Variants in TSPAN19 observed in about 807,000 individuals in gnomAD.
The protein encoded by TSPAN19 is tetraspanin-19.
Under a neutral mutation model 35.1 loss-of-function variants are expected in TSPAN19, and 44 were observed. The ratio of observed to expected loss-of-function variants is 1.25; its 90% CI spans 0.98 to 1.61. The LOEUF (loss-of-function observed/expected upper bound fraction) is 1.61, where lower values mean the gene tolerates loss of function less well. TSPAN19 is among the 40% of genes most tolerant of loss of function. The probability of loss-of-function intolerance (pLI) is 0.00; values close to 1 mark genes in which losing one functional copy is unlikely to be tolerated. For synonymous variants in TSPAN19, 79 were observed against 92.0 expected (o/e 0.86, Z 0.81); for missense variants, 290 against 280.0 (o/e 1.04, Z -0.26).
In TSPAN19 at chr12:85,022,351, A is replaced by G. The variant is rs77559766; in HGVS notation, c.339+975T>C. Among the ~76,000 whole-genome samples, 2,923 of 152,228 alleles carry G rather than the reference A, an allele frequency of 0.019. 131 individuals are homozygous for G. The East Asian group carries it at 0.2, about 11-fold the overall frequency. ...AAGAATGAAGTTGGAGGGCAATGGTATCATACAGAAAAGATTGTTTTTGAA... is the reference window on the plus strand; with the variant it reads ...AAGAATGAAGTTGGAGGGCAATGGTGTCATACAGAAAAGATTGTTTTTGAA... On this transcript the variant is annotated intron_variant, in intron 5 of 8. Coordinates refer to ENST00000532498, the MANE Select transcript of TSPAN19 (RefSeq NM_001100917.2).
At chr12:85,029,297 T>C (rs1409798890) in intron 3 of TSPAN19, among the ~76,000 whole-genome samples, 1 of 152,102 alleles carries the variant, frequency 6.6e-6, no homozygotes, top group African/African-American at 2.4e-5. Context: ...AAATTGCATT[T>C]TTAAATTTTC....
intron 5 of TSPAN19, among the ~76,000 whole-genome samples, chr12:85,020,057 A>G (rs531010932): frequency 2.0e-5 from 3 of 152,098 alleles, no homozygotes; most frequent in African/African-American, 4.8e-5. Context: ...AGTATTTTAT[A>G]TAAGCCAAAA....
chr12:85,023,258 T>G (rs1877215423), intron 5 of TSPAN19, 68 bp downstream of exon 5: 9 of 1,323,854 alleles, frequency 6.8e-6, no homozygotes, highest in African/African-American at 1.5e-5. Context: ...GTCTCAATAC[T>G]CTAAGGTATC....
chr12:85,016,235 T>A, intron 7 of TSPAN19: 1 of 317,076 alleles, frequency 3.2e-6, no homozygotes, highest in Non-Finnish European at 5.7e-6. Flanking sequence ...GATTTTCTCT[T>A]CTGCAGACTA....
At chr12:85,024,006 T>C (rs1174534944) in intron 4 of TSPAN19, among the ~76,000 whole-genome samples, 1 of 152,104 alleles carries the variant, frequency 6.6e-6, no homozygotes, top group Non-Finnish European at 1.5e-5. Context: ...TCTCTAAATA[T>C]GTTGAGTTAT....
chr12:85,032,485 C>T (rs994558436), intron 1 of TSPAN19, among the ~76,000 whole-genome samples: 4 of 152,062 alleles, frequency 2.6e-5, no homozygotes, highest in African/African-American at 9.7e-5. Flanking sequence ...GGGGTGAGAA[C>T]TTAGTAAGCG....
chr12:85,025,715 T>C (rs777354555), intron 4 of TSPAN19, among the ~76,000 whole-genome samples: 4 of 152,038 alleles, frequency 2.6e-5, no homozygotes, highest in Non-Finnish European at 4.4e-5. Flanking sequence ...TTAGTAGAGA[T>C]GGGGTTTCCC....
In TSPAN19 at chr12:85,029,948, C is replaced by A; in HGVS notation, c.-2G>T. The A allele has an allele frequency of 6.9e-7, 1 of 1,443,692 alleles. No homozygotes were observed. Among genetic ancestry groups the A allele is most frequent in the South Asian group, 1.3e-5 (1 of 75,536 alleles). The allele number at this position is 1,443,692 out of a possible 1,614,324, so 89.4% of individuals were successfully genotyped here. On this transcript the variant is annotated 5_prime_UTR_variant, in exon 2 of 9. Transcript: ENST00000532498. ...TATTGTTTTGTTATTTCTTAACATT[C>A]TTTTTCTTCCAAGATATTGATGATT...
chr12:85,028,677 T>C (rs1365735909), intron 3 of TSPAN19, among the ~76,000 whole-genome samples: 1 of 152,130 alleles, frequency 6.6e-6, no homozygotes, highest in Non-Finnish European at 1.5e-5. Context: ...GGAGTGAGCT[T>C]GTACTGGCTC....
chr12:85,030,987 C>T (rs1052004286), intron 1 of TSPAN19, among the ~76,000 whole-genome samples: 1 of 152,030 alleles, frequency 6.6e-6, no homozygotes, highest in African/African-American at 2.4e-5. Context: ...TATTTTAAAG[C>T]TATTTGTCTG....
At chr12:85,015,664 C>A (rs1055454826) in intron 8 of TSPAN19, 4 of 387,670 alleles carry the variant, frequency 1.0e-5, no homozygotes, top group Non-Finnish European at 1.8e-5. Context: ...AGGTACTATA[C>A]ATAGTAATAA....
chr12:85,023,157 A>G (rs560424052), intron 5 of TSPAN19, among the ~76,000 whole-genome samples, 169 bp downstream of exon 5: 2 of 151,998 alleles, frequency 1.3e-5, no homozygotes, highest in South Asian at 4.2e-4. Context: ...TTTCAATGTG[A>G]CTCCTGGCCC....
chr12:85,017,429 C>T (rs1203592842), intron 7 of TSPAN19, 27 bp downstream of exon 7: 1 of 1,583,672 alleles, frequency 6.3e-7, no homozygotes, highest in Non-Finnish European at 8.6e-7. Flanking sequence ...ACTATAAATA[C>T]TTGTAGAAGC....
At chr12:85,025,199 C>G (rs540207960) in intron 4 of TSPAN19, among the ~76,000 whole-genome samples, 12 of 150,746 alleles carry the variant, frequency 8.0e-5, no homozygotes, top group Non-Finnish European at 1.6e-4. Context: ...GCAGTGGCAC[C>G]ATCTCAGCTC....
At chr12:85,028,120 G>T in intron 3 of TSPAN19, 97 bp from the exon 4 acceptor site, 1 of 1,052,974 alleles carries the variant, frequency 9.5e-7, no homozygotes, top group Non-Finnish European at 1.3e-6. Flanking sequence ...GCAATCAAAA[G>T]TTTTTCTGAG....
intron 1 of TSPAN19, among the ~76,000 whole-genome samples, chr12:85,034,029 C>T (rs977818063): frequency 1.3e-5 from 2 of 151,974 alleles, no homozygotes; most frequent in Non-Finnish European, 2.9e-5. Context: ...GTCATAAATT[C>T]TCATTTTTCT....
intron 1 of TSPAN19, chr12:85,035,319 T>A (rs1555192715): frequency 6.6e-6 from 1 of 151,816 alleles, no homozygotes; most frequent in Non-Finnish European, 1.5e-5. Flanking sequence ...AAACCAAACT[T>A]AAAAAAAAGA....
At chr12:85,030,565 G>C (rs1877636755) in intron 1 of TSPAN19, among the ~76,000 whole-genome samples, 1 of 151,948 alleles carries the variant, frequency 6.6e-6, no homozygotes, top group African/African-American at 2.4e-5. Context: ...TAAGTGGCGA[G>C]AGTATGTCTT....
chr12:85,030,001 C>T, intron 1 of TSPAN19, 28 bp from the exon 2 acceptor site: 1 of 1,340,356 alleles, frequency 7.5e-7, no homozygotes, highest in Non-Finnish European at 1.0e-6. Context: ...ACTTTTTAAA[C>T]ATTCTACACA....
Sources: allele counts gnomAD v4.1 joint callset (sites outside exome capture counted in the v4.1 genomes callset), GRCh38; gene constraint gnomAD v4.1.1; transcripts MANE v1.5; gene names NCBI Gene and HGNC (gene_info 2026-07-23, HGNC 2026-07-21).